The following PRKAR1A variants were observed in gnomAD, a reference collection of about 807,000 sequenced individuals.
The protein encoded by PRKAR1A is protein kinase cAMP-dependent type I regulatory subunit alpha, also known as cAMP-dependent protein kinase type I-alpha regulatory subunit.
Under a neutral mutation model 52.0 loss-of-function variants are expected in PRKAR1A, and 3 were observed. The ratio of observed to expected loss-of-function variants is 0.06; its 90% CI spans 0.03 to 0.15. PRKAR1A has a LOEUF of 0.15. PRKAR1A is among the 10% of genes least tolerant of loss of function. The probability of loss-of-function intolerance (pLI) is 1.00; values close to 1 mark genes in which losing one functional copy is unlikely to be tolerated. For synonymous variants in PRKAR1A, 188 were observed against 168.4 expected, an observed-to-expected ratio of 1.12 and a Z score of -0.90; for missense variants, 240 against 477.4, an observed-to-expected ratio of 0.50 and a Z score of 4.63.
At chr17:68,443,226 T>C in the PRKAR1A span, among the ~76,000 whole-genome samples, 1 of 152,198 alleles carries the variant, frequency 6.6e-6, no homozygotes, top group Non-Finnish European at 1.5e-5. Flanking sequence ...TTTTCCTGTC[T>C]CAACCTCCCA....
the PRKAR1A span, among the ~76,000 whole-genome samples, chr17:68,505,774 T>C: frequency 3.2e-4 from 49 of 151,966 alleles, no homozygotes; most frequent in Non-Finnish European, 6.2e-4. Flanking sequence ...AGATTGAGAT[T>C]GTGCCACTGC....
At chr17:68,516,432 G>T (rs953558187) in intron 2 of PRKAR1A, among the ~76,000 whole-genome samples, 2 of 152,008 alleles carry the variant, frequency 1.3e-5, no homozygotes, top group African/African-American at 4.8e-5. Flanking sequence ...GAAGTTATGA[G>T]GTGGTTCATA....
the PRKAR1A span, among the ~76,000 whole-genome samples, chr17:68,433,771 T>TGTTTGTTTG: frequency 3.1e-3 from 67 of 21,380 alleles, no homozygotes; most frequent in African/African-American, 6.8e-3. Context: ...TTTTTTTTTT[T>TGTTTGTTTG]TTTTTTTTTT....
chr17:68,515,235 A>T, intron 1 of PRKAR1A, 159 bp from the exon 2 acceptor site: 1 of 707,382 alleles, frequency 1.4e-6, no homozygotes. Context: ...AATTCTGTAC[A>T]TATTTTATTC....
At chr17:68,434,611 C>A in the PRKAR1A span, 22 of 1,614,036 alleles carry the variant, frequency 1.4e-5, no homozygotes, top group Non-Finnish European at 1.8e-5. Context: ...ACAGAGAACA[C>A]CCGGATGACT....
the PRKAR1A span, chr17:68,427,356 G>A: frequency 1.1e-6 from 1 of 871,100 alleles, no homozygotes. Flanking sequence ...TCAGCTCTGT[G>A]GGTTATTTAT....
the PRKAR1A span, among the ~76,000 whole-genome samples, chr17:68,457,772 G>C: frequency 6.6e-6 from 1 of 152,104 alleles, no homozygotes; most frequent in Non-Finnish European, 1.5e-5. Flanking sequence ...GGACCCGCCC[G>C]GCTGGCGACC....
chr17:68,469,358 T>C, the PRKAR1A span, among the ~76,000 whole-genome samples: 1 of 152,210 alleles, frequency 6.6e-6, no homozygotes, highest in East Asian at 1.9e-4. Flanking sequence ...TTTAATCACA[T>C]TAGCCTGTGT....
At chr17:68,507,662 A>T (rs1039454595), upstream of PRKAR1A, among the ~76,000 whole-genome samples, 2 of 152,140 alleles carry the variant, frequency 1.3e-5, no homozygotes, top group Admixed American at 6.6e-5. Context: ...AAAACAAACA[A>T]ACATACATAC....
the PRKAR1A span, among the ~76,000 whole-genome samples, chr17:68,499,368 AAGAGAGAGAGAGAGAGAG>A: frequency 2.8e-5 from 4 of 140,400 alleles, no homozygotes; most frequent in Admixed American, 7.4e-5. Context: ...AAGGGAGGAA[AAGAGAGAGAGAGAGAGAG>A]AGAGAGAGAG....
chr17:68,476,587 A>C, the PRKAR1A span, among the ~76,000 whole-genome samples: 1 of 150,998 alleles, frequency 6.6e-6, no homozygotes, highest in Non-Finnish European at 1.5e-5. Flanking sequence ...CGTCTCTCTC[A>C]TTTTCTCTCC....
At chr17:68,443,861 G>C in the PRKAR1A span, among the ~76,000 whole-genome samples, 1 of 152,126 alleles carries the variant, frequency 6.6e-6, no homozygotes, top group Non-Finnish European at 1.5e-5. Flanking sequence ...ACACAATGAA[G>C]GAATTCTTTC....
chr17:68,515,046 A>T (rs1347324834), intron 1 of PRKAR1A: 2 of 326,680 alleles, frequency 6.1e-6, no homozygotes, highest in African/African-American at 2.2e-5. Flanking sequence ...TTCCCACGTC[A>T]TCATGATTTC....
At chr17:68,495,594 CTAA>C in the PRKAR1A span, among the ~76,000 whole-genome samples, 2 of 152,142 alleles carry the variant, frequency 1.3e-5, no homozygotes, top group Non-Finnish European at 2.9e-5. Flanking sequence ...CTTCTCTGTG[CTAA>C]TGTTTGTATT....
chr17:68,508,878 G>A (rs8066131), upstream of PRKAR1A, among the ~76,000 whole-genome samples: 110,183 of 151,944 alleles, frequency 0.73, 40,238 homozygotes, highest in East Asian at 0.94. Flanking sequence ...AGACATTTTG[G>A]CATTCGGGTG....
At chr17:68,454,138 T>C in the PRKAR1A span, among the ~76,000 whole-genome samples, 1 of 152,248 alleles carries the variant, frequency 6.6e-6, no homozygotes, top group African/African-American at 2.4e-5. Flanking sequence ...CCAGATTTTC[T>C]TGGCCTTGTG....
At chr17:68,438,759 C>T in the PRKAR1A span, among the ~76,000 whole-genome samples, 2 of 152,316 alleles carry the variant, frequency 1.3e-5, no homozygotes, top group South Asian at 2.1e-4. Flanking sequence ...TGCCACCACG[C>T]CCAGCTAATT....
At chr17:68,440,571 CCA>C in the PRKAR1A span, 1 of 152,200 alleles carries the variant, frequency 6.6e-6, no homozygotes, top group Non-Finnish European at 1.5e-5. Flanking sequence ...ATATTTTCTT[CCA>C]GTCTTTTTTC....
the PRKAR1A span, among the ~76,000 whole-genome samples, chr17:68,435,057 A>C: frequency 6.6e-6 from 1 of 152,150 alleles, no homozygotes; most frequent in Non-Finnish European, 1.5e-5. Context: ...AATACAAAAA[A>C]TTAGCCAGGC....
Sources: allele counts gnomAD v4.1 joint callset (sites outside exome capture counted in the v4.1 genomes callset), GRCh38; gene constraint gnomAD v4.1.1; transcripts MANE v1.5; gene names NCBI Gene and HGNC (gene_info 2026-07-23, HGNC 2026-07-21).